Variants in ASTN2 observed in about 807,000 individuals in gnomAD.
The protein encoded by ASTN2 is astrotactin-2.
Under a neutral mutation model 139.8 loss-of-function variants are expected in ASTN2, and 54 were observed. The ratio of observed to expected loss-of-function variants is 0.39; its 90% CI spans 0.31 to 0.48. The LOEUF (loss-of-function observed/expected upper bound fraction) is 0.48. Among genes scored for constraint, ASTN2 ranks in the 20% least tolerant of loss-of-function variants. The probability of loss-of-function intolerance (pLI) is 0.95; values close to 1 mark genes in which losing one functional copy is unlikely to be tolerated. For synonymous variants in ASTN2, 756 were observed against 719.5 expected (o/e 1.05, Z -0.81); for missense variants, 1,565 against 1,725.1 (o/e 0.91, Z 1.64).
At chr9:116,852,718 T>C (rs1049716608) in intron 11 of ASTN2, among the ~76,000 whole-genome samples, 1 of 152,094 alleles carries the variant, frequency 6.6e-6, no homozygotes, top group Non-Finnish European at 1.5e-5. Flanking sequence ...TCAAGACCTA[T>C]GATAAAAGAC....
chr9:116,597,827 G>C (rs941715257), intron 19 of ASTN2, among the ~76,000 whole-genome samples: 2 of 152,110 alleles, frequency 1.3e-5, no homozygotes, highest in African/African-American at 4.8e-5. Context: ...TGGAATCTTG[G>C]AGTGAGTATT....
intron 3 of ASTN2, among the ~76,000 whole-genome samples, chr9:117,160,953 A>G (rs1830537117): frequency 6.6e-6 from 1 of 152,040 alleles, no homozygotes; most frequent in African/African-American, 2.4e-5. Context: ...ACACACACAC[A>G]CGCACACATA....
intron 20 of ASTN2, among the ~76,000 whole-genome samples, chr9:116,467,499 T>C (rs1848685748): frequency 6.6e-6 from 1 of 152,180 alleles, no homozygotes; most frequent in Non-Finnish European, 1.5e-5. Context: ...TCTCTTGACC[T>C]CGTGATCCGC....
At chr9:116,437,617 G>C (rs371018062) in intron 22 of ASTN2, 1 of 470,038 alleles carries the variant, frequency 2.1e-6, no homozygotes, top group Non-Finnish European at 4.4e-6. Flanking sequence ...CAGAAGTGGA[G>C]CTGTGGTTTA....
intron 11 of ASTN2, among the ~76,000 whole-genome samples, chr9:116,861,906 G>C (rs1832891420): frequency 6.6e-6 from 1 of 151,662 alleles, no homozygotes; most frequent in Admixed American, 6.6e-5. Flanking sequence ...GGATTCCAAT[G>C]ACATTGCTTG....
At chr9:116,956,224 T>C (rs1835704265) in intron 10 of ASTN2, among the ~76,000 whole-genome samples, 1 of 150,240 alleles carries the variant, frequency 6.7e-6, no homozygotes, top group Non-Finnish European at 1.5e-5. Context: ...GCCTCCCAAG[T>C]AGCTGGGATT....
At chr9:117,353,590 A>G (rs2130884075) in intron 1 of ASTN2, among the ~76,000 whole-genome samples, 1 of 152,292 alleles carries the variant, frequency 6.6e-6, no homozygotes, top group South Asian at 2.1e-4. Flanking sequence ...CAGTCTTTCA[A>G]GTTAAGACTT....
intron 20 of ASTN2, among the ~76,000 whole-genome samples, chr9:116,468,885 T>C (rs1848728978): frequency 6.6e-6 from 1 of 152,222 alleles, no homozygotes; most frequent in Non-Finnish European, 1.5e-5. Context: ...TTGCCTTGCT[T>C]CTCAGTAACT....
intron 19 of ASTN2, among the ~76,000 whole-genome samples, chr9:116,509,238 T>G (rs1850253979): frequency 6.6e-6 from 1 of 152,136 alleles, no homozygotes; most frequent in African/African-American, 2.4e-5. Context: ...AATTCCCACA[T>G]ATGAGTGAGA....
At chr9:116,626,875 T>C (rs1229850385) in intron 17 of ASTN2, among the ~76,000 whole-genome samples, 1 of 152,132 alleles carries the variant, frequency 6.6e-6, no homozygotes, top group Non-Finnish European at 1.5e-5. Flanking sequence ...AATAGAGGTT[T>C]CTAACCCAGC....
chr9:116,687,218 C>G (rs759604705), intron 16 of ASTN2: 1 of 1,007,006 alleles, frequency 9.9e-7, no homozygotes, highest in African/African-American at 1.7e-5. Context: ...GCGCTTGGGG[C>G]CAGCTGCACG....
intron 5 of ASTN2, among the ~76,000 whole-genome samples, chr9:117,041,244 C>T (rs947823128): frequency 1.3e-5 from 2 of 152,072 alleles, no homozygotes; most frequent in Non-Finnish European, 2.9e-5. Flanking sequence ...TAGAGCAATG[C>T]CTCCACAATT....
chr9:117,211,532 G>C (rs532087211), intron 3 of ASTN2, among the ~76,000 whole-genome samples: 42 of 152,160 alleles, frequency 2.8e-4, no homozygotes, highest in African/African-American at 9.9e-4. Flanking sequence ...CTTCCCTGTC[G>C]CTCTTTTGCC....
At chr9:116,582,107 G>A (rs1853974946) in intron 19 of ASTN2, 1 of 152,216 alleles carries the variant, frequency 6.6e-6, no homozygotes, top group Admixed American at 6.5e-5. Context: ...CTGTCCATAT[G>A]TGAAGAAAGA....
chr9:117,171,957 T>C (rs1452705139), intron 3 of ASTN2, among the ~76,000 whole-genome samples: 1 of 152,118 alleles, frequency 6.6e-6, no homozygotes, highest in Non-Finnish European at 1.5e-5. Flanking sequence ...TAAAAAAAAT[T>C]ATCAATACTT....
At chr9:116,583,869 T>G (rs978593210) in intron 19 of ASTN2, 2 of 152,196 alleles carry the variant, frequency 1.3e-5, no homozygotes, top group African/African-American at 4.8e-5. Context: ...CTTTTAGATG[T>G]AGAAGAGACC....
intron 17 of ASTN2, among the ~76,000 whole-genome samples, chr9:116,643,338 C>T (rs1857433153): frequency 1.3e-5 from 2 of 152,142 alleles, no homozygotes; most frequent in East Asian, 3.9e-4. Context: ...CTGTAAAGGA[C>T]TAGAAAGTAA....
intron 11 of ASTN2, among the ~76,000 whole-genome samples, chr9:116,831,739 T>C (rs1039293945): frequency 6.6e-6 from 1 of 152,210 alleles, no homozygotes; most frequent in Non-Finnish European, 1.5e-5. Context: ...AAAGAAGTTT[T>C]GGCCATTATA....
At chr9:116,705,768 C>G (rs12005798) in intron 16 of ASTN2, among the ~76,000 whole-genome samples, 6,218 of 151,978 alleles carry the variant, frequency 0.041, 420 homozygotes, top group African/African-American at 0.14. Flanking sequence ...TAAATGGTAA[C>G]AGGATAGAAA....
Sources: allele counts gnomAD v4.1 joint callset (sites outside exome capture counted in the v4.1 genomes callset), GRCh38; gene constraint gnomAD v4.1.1; transcripts MANE v1.5; gene names NCBI Gene and HGNC (gene_info 2026-07-23, HGNC 2026-07-21).